The following ZNF536 variants were observed in gnomAD, a reference collection of about 807,000 sequenced individuals.
ZNF536 encodes the protein zinc finger protein 536.
A neutral mutation model predicts 84.5 loss-of-function variants in ZNF536; 13 were observed. That is an observed-to-expected ratio of 0.15 (90% confidence interval 0.10 to 0.24). The LOEUF is 0.24. ZNF536 is among the 10% of genes least tolerant of loss of function. The pLI is 1.00. For missense variants in ZNF536, 1,536 were observed against 1,747.5 expected (o/e 0.88, Z 2.16); for synonymous variants, 811 against 742.5 (o/e 1.09, Z -1.50).
At chr19:30,629,063 G>T (rs570966490) in intron 1 of ZNF536, among the ~76,000 whole-genome samples, 1 of 152,272 alleles carries the variant, frequency 6.6e-6, no homozygotes, top group African/African-American at 2.4e-5. Flanking sequence ...GAGGAGACTG[G>T]ACCCTCTGCA....
chr19:30,510,935 G>A (rs985726876), intron 2 of ZNF536, among the ~76,000 whole-genome samples: 4 of 152,172 alleles, frequency 2.6e-5, no homozygotes, highest in African/African-American at 9.7e-5. Flanking sequence ...TCTGTTGCCC[G>A]GGTCAGGCGT....
intron 1 of ZNF536, among the ~76,000 whole-genome samples, chr19:30,407,145 C>T (rs1336224325): frequency 6.6e-6 from 1 of 152,224 alleles, no homozygotes; most frequent in Non-Finnish European, 1.5e-5. Context: ...CTCCACTTTG[C>T]TCCTCCCTGA....
intron 1 of ZNF536, among the ~76,000 whole-genome samples, chr19:30,390,690 T>C (rs1463221371): frequency 6.6e-6 from 1 of 152,170 alleles, no homozygotes; most frequent in African/African-American, 2.4e-5. Flanking sequence ...AAACAGTCCA[T>C]GGCAAAGTCA....
At chr19:30,284,160 T>C (rs2045550415) in intron 2 of ZNF536, 1 of 152,298 alleles carries the variant, frequency 6.6e-6, no homozygotes, top group Non-Finnish European at 1.5e-5. Flanking sequence ...CATCGATTTG[T>C]AGTTTGTTGA....
At chr19:30,685,771 C>T (rs1216556275) in intron 1 of ZNF536, among the ~76,000 whole-genome samples, 1 of 152,172 alleles carries the variant, frequency 6.6e-6, no homozygotes, top group East Asian at 1.9e-4. Context: ...CGCCGTCCTC[C>T]CCTCCATCAT....
intron 3 of ZNF536, among the ~76,000 whole-genome samples, chr19:30,358,494 G>A (rs951109423): frequency 6.6e-6 from 1 of 152,228 alleles, no homozygotes; most frequent in Admixed American, 6.5e-5. Context: ...CCCTAGGGCC[G>A]TTCCTGGCCC....
intron 1 of ZNF536, among the ~76,000 whole-genome samples, chr19:30,393,943 T>C (rs1240300722): frequency 3.3e-5 from 5 of 151,962 alleles, no homozygotes; most frequent in African/African-American, 2.4e-5. Context: ...GTGGAGGAGA[T>C]AGAGAGAAAG....
chr19:30,591,684 C>CT (rs2047284093), intron 1 of ZNF536, among the ~76,000 whole-genome samples: 1 of 152,214 alleles, frequency 6.6e-6, no homozygotes, highest in African/African-American at 2.4e-5. Context: ...TCCTTTCTCT[C>CT]TGAGTCACAG....
intron 3 of ZNF536, among the ~76,000 whole-genome samples, chr19:30,357,560 T>C (rs1431032278): frequency 6.6e-6 from 1 of 152,124 alleles, no homozygotes; most frequent in Non-Finnish European, 1.5e-5. Context: ...TGGCTCTTGG[T>C]GGCCTTCGTT....
At chr19:30,536,770 G>A (rs2045099458) in intron 3 of ZNF536, among the ~76,000 whole-genome samples, 1 of 152,176 alleles carries the variant, frequency 6.6e-6, no homozygotes, top group Non-Finnish European at 1.5e-5. Context: ...AGTGCTGGTT[G>A]CTTGGGCATA....
At chr19:30,356,521 A>G (rs549604004) in intron 3 of ZNF536, among the ~76,000 whole-genome samples, 3 of 152,306 alleles carry the variant, frequency 2.0e-5, no homozygotes, top group South Asian at 4.1e-4. Context: ...TGTAATTTCT[A>G]TGTGATAATG....
intron 1 of ZNF536, among the ~76,000 whole-genome samples, chr19:30,588,076 G>A (rs1020822990): frequency 2.0e-5 from 3 of 152,210 alleles, no homozygotes; most frequent in South Asian, 2.1e-4. Context: ...AGAGCAACAC[G>A]TGGCTTCCCA....
At chr19:30,378,516 G>T (rs941510279) in intron 1 of ZNF536, among the ~76,000 whole-genome samples, 1 of 152,070 alleles carries the variant, frequency 6.6e-6, no homozygotes, top group Non-Finnish European at 1.5e-5. Flanking sequence ...GGTTGGTCTC[G>T]AACTCCTGCC....
At chr19:30,652,418 C>A (rs180803814) in intron 1 of ZNF536, among the ~76,000 whole-genome samples, 1 of 152,268 alleles carries the variant, frequency 6.6e-6, no homozygotes, top group Non-Finnish European at 1.5e-5. Context: ...ACTGACACCA[C>A]TAAATGTCGT....
chr19:30,480,020 A>T (rs1237433751), intron 2 of ZNF536, among the ~76,000 whole-genome samples: 2 of 152,176 alleles, frequency 1.3e-5, no homozygotes, highest in African/African-American at 4.8e-5. Flanking sequence ...AACTTTTGTG[A>T]AAAAGTAAGA....
chr19:30,681,114 C>T (rs965678048), intron 1 of ZNF536, among the ~76,000 whole-genome samples: 37 of 152,158 alleles, frequency 2.4e-4, no homozygotes, highest in African/African-American at 8.2e-4. Context: ...TCCGACTTTC[C>T]GAACCCCAGG....
intron 1 of ZNF536, among the ~76,000 whole-genome samples, chr19:30,662,607 C>T (rs1056729011): frequency 5.3e-5 from 8 of 151,670 alleles, no homozygotes; most frequent in African/African-American, 1.9e-4. Flanking sequence ...ACATGAACTA[C>T]GATAATACCT....
At position 30,549,510 on chromosome 19, in the gene ZNF536, G is replaced by C. The variant is rs2146260108; in HGVS notation, c.3891G>C (p.Leu1297Phe). ...ANSGCIKRPD[L>F]CGK ...CTGGATGTATCAAGAGGCCAGACTT[G>C]TGTGGTAAGTTTTAGAATCCTCTTC... Residue 1297 changes from leucine (L) to phenylalanine (F), a missense_variant, in exon 4 of 5, where the codon TTG becomes TTC. By Grantham distance (22) the Leu-to-Phe change is conservative. This residue lies in a region of ZNF536 where 624 missense variants were observed against 603.1 expected (regional missense o/e 1.03). Coordinates refer to ENST00000355537, the MANE Select transcript of ZNF536 (RefSeq NM_014717.3). The C allele has an allele frequency of 2.7e-6, 4 of 1,507,452 alleles. No homozygotes were observed. The highest frequency in any genetic ancestry group is 3.5e-6 in the Non-Finnish European group (4 of 1,128,430). The allele number at this position is 1,507,452 out of a possible 1,614,324, so 93.4% of individuals were successfully genotyped here.
At chr19:30,347,813 A>G (rs1202728877) in intron 2 of ZNF536, among the ~76,000 whole-genome samples, 2 of 152,146 alleles carry the variant, frequency 1.3e-5, no homozygotes, top group African/African-American at 4.8e-5. Context: ...GGTTTTTGCA[A>G]AATGCTCCTA....
Sources: allele counts gnomAD v4.1 joint callset (sites outside exome capture counted in the v4.1 genomes callset), GRCh38; gene constraint gnomAD v4.1.1; regional missense constraint gnomAD v4.1.1; transcripts MANE v1.5; gene names NCBI Gene and HGNC (gene_info 2026-07-23, HGNC 2026-07-21).